The following VPS13B variants were observed in gnomAD, a reference collection of about 807,000 sequenced individuals.
The protein encoded by VPS13B is intermembrane lipid transfer protein VPS13B.
VPS13B carries 285 observed loss-of-function variants against 426.4 expected under a neutral mutation model. The observed-to-expected ratio is 0.67, with a 90% CI of 0.61 to 0.74. The LOEUF is 0.74. Ranked by LOEUF, VPS13B falls within the 30% of genes least tolerant of loss-of-function variation. VPS13B has a pLI of 0.00. For missense variants in VPS13B, 4,537 were observed against 4,782.6 expected (o/e 0.95, Z 1.51); for synonymous variants, 1,676 against 1,676.4 (o/e 1.00, Z 0.01).
chr8:99,703,650 T>C (rs1832377607), intron 36 of VPS13B, among the ~76,000 whole-genome samples: 1 of 152,206 alleles, frequency 6.6e-6, no homozygotes, highest in African/African-American at 2.4e-5. Context: ...AGCCTTTCCC[T>C]TACGTGTATA....
chr8:99,225,880 G>C (rs1815985044), intron 17 of VPS13B, among the ~76,000 whole-genome samples: 1 of 152,094 alleles, frequency 6.6e-6, no homozygotes, highest in African/African-American at 2.4e-5. Context: ...TCCCATGTTA[G>C]TACATGATCA....
intron 19 of VPS13B, among the ~76,000 whole-genome samples, chr8:99,300,947 G>A (rs928592494): frequency 7.5e-5 from 11 of 145,762 alleles, no homozygotes; most frequent in Non-Finnish European, 1.0e-4. Flanking sequence ...CTTTTGGCCC[G>A]GCATGGTGGC....
intron 39 of VPS13B, among the ~76,000 whole-genome samples, chr8:99,729,202 A>G (rs1046369404): frequency 2.0e-5 from 3 of 152,124 alleles, no homozygotes; most frequent in Non-Finnish European, 4.4e-5. Flanking sequence ...CAGGGGATCT[A>G]TTTTATGTCA....
At chr8:99,206,292 C>A (rs915533530) in intron 17 of VPS13B, among the ~76,000 whole-genome samples, 4 of 152,102 alleles carry the variant, frequency 2.6e-5, no homozygotes, top group African/African-American at 4.8e-5. Flanking sequence ...ACATTCGAAT[C>A]CCTCATTTAA....
At chr8:99,740,943 A>C (rs1179656882) in intron 39 of VPS13B, among the ~76,000 whole-genome samples, 1 of 152,188 alleles carries the variant, frequency 6.6e-6, no homozygotes, top group East Asian at 1.9e-4. Flanking sequence ...AGCTAACATC[A>C]TAATGACAGG....
At chr8:99,758,350 G>A (rs1180962767) in intron 39 of VPS13B, among the ~76,000 whole-genome samples, 1 of 152,166 alleles carries the variant, frequency 6.6e-6, no homozygotes, top group Non-Finnish European at 1.5e-5. Context: ...TTAATGCAAA[G>A]TTTGTTAAAA....
At chr8:99,193,730 C>T (rs970739678) in intron 17 of VPS13B, among the ~76,000 whole-genome samples, 6 of 152,074 alleles carry the variant, frequency 3.9e-5, no homozygotes, top group East Asian at 1.9e-4. Context: ...TAAAATAAAG[C>T]GACTTTTGTT....
Position 99,478,466 on chromosome 8 carries a change from GT to G in VPS13B, c.3667-3127del, listed in dbSNP as rs1382871790. Among the ~76,000 whole-genome samples the G allele has an allele frequency of 2.8e-3, 117 of 41,968 alleles. 1 individual carries two copies. Among genetic ancestry groups the G allele is most frequent in the African/African-American group, 9.1e-3 (101 of 11,130 alleles). 27.5% of individuals were successfully genotyped at this position (41,968 alleles called of 152,430 possible). A position where few individuals can be genotyped will look rare whatever the true frequency, so the allele number is the denominator to read the frequency against. On this transcript the variant is annotated intron_variant, in intron 24 of 61. Coordinates refer to ENST00000357162, the MANE Select transcript of VPS13B (RefSeq NM_152564.5). ...TGTTTTGTTTTTTTTTTTTTTTTTT[GT>G]TTTTTGTTTTTTTTTTTTTGCCGAG... is the stretch of plus-strand genomic sequence containing the variant.
intron 33 of VPS13B, among the ~76,000 whole-genome samples, chr8:99,593,770 A>C (rs1395365753): frequency 3.3e-5 from 5 of 152,110 alleles, no homozygotes; most frequent in Non-Finnish European, 7.4e-5. Flanking sequence ...ACATGGATGG[A>C]GTTTAAAGCC....
chr8:99,671,405 T>C (rs1422569728), intron 35 of VPS13B, among the ~76,000 whole-genome samples: 8 of 152,166 alleles, frequency 5.3e-5, no homozygotes, highest in Admixed American at 5.2e-4. Flanking sequence ...AGTTTACAGA[T>C]ATTTTCTCCC....
intron 3 of VPS13B, among the ~76,000 whole-genome samples, chr8:99,088,183 CAA>C (rs1326004820): frequency 7.9e-4 from 51 of 64,804 alleles, no homozygotes; most frequent in Middle Eastern, 8.1e-3. Context: ...GACCCTGTCT[CAA>C]AAAAAAAAAA....
At chr8:99,060,395 G>A (rs183960430) in intron 3 of VPS13B, among the ~76,000 whole-genome samples, 1 of 152,182 alleles carries the variant, frequency 6.6e-6, no homozygotes, top group Admixed American at 6.5e-5. Context: ...GATCACTTGA[G>A]GTTAGGAGTT....
At chr8:99,252,012 T>C (rs1298760353) in intron 17 of VPS13B, among the ~76,000 whole-genome samples, 1 of 151,500 alleles carries the variant, frequency 6.6e-6, no homozygotes, top group Non-Finnish European at 1.5e-5. Context: ...AAAAACAAGT[T>C]TTAAAAATCA....
At chr8:99,690,233 T>C (rs1831594425) in intron 35 of VPS13B, among the ~76,000 whole-genome samples, 1 of 152,258 alleles carries the variant, frequency 6.6e-6, no homozygotes, top group Non-Finnish European at 1.5e-5. Context: ...GTTGCTGACA[T>C]AACTAGATAT....
chr8:99,430,191 C>T (rs559032040), intron 21 of VPS13B, among the ~76,000 whole-genome samples: 17 of 152,114 alleles, frequency 1.1e-4, no homozygotes, highest in Middle Eastern at 3.4e-3. Context: ...AGAAAAAGTC[C>T]GTTCTTCATG....
chr8:99,227,817 A>T (rs1816094136), intron 17 of VPS13B, among the ~76,000 whole-genome samples: 2 of 152,238 alleles, frequency 1.3e-5, no homozygotes, highest in Admixed American at 1.3e-4. Context: ...AGTGTTATAC[A>T]GTTCCACACT....
At chr8:99,078,694 G>A (rs1845271524) in intron 3 of VPS13B, among the ~76,000 whole-genome samples, 2 of 152,130 alleles carry the variant, frequency 1.3e-5, no homozygotes, top group South Asian at 4.1e-4. Context: ...TGAGTCTGGT[G>A]GGTCCTCAGA....
At position 99,754,675 on chromosome 8, in the gene VPS13B, A is replaced by G. The variant is rs192737031; in HGVS notation, c.7051-12099A>G. On this transcript the variant is annotated intron_variant, in intron 39 of 61. Coordinates refer to ENST00000357162, the MANE Select transcript of VPS13B (RefSeq NM_152564.5). The stretch of plus-strand genomic sequence containing the variant: ...CCATCAGTTTAAAACTCTTTCACCT[A>G]TGTACTTGTCTACTAATTTTCTAGT... Among the ~76,000 whole-genome samples, 156 of 152,194 alleles carry G rather than the reference A, an allele frequency of 1.0e-3. 1 individual carries two copies. Among genetic ancestry groups the G allele is most frequent in the African/African-American group, 3.7e-3 (153 of 41,512 alleles).
At chr8:99,859,174 C>A in intron 56 of VPS13B, 130 bp from the exon 57 acceptor site, 1 of 1,151,346 alleles carries the variant, frequency 8.7e-7, no homozygotes, top group Non-Finnish European at 1.3e-6. Flanking sequence ...TATTTTCTTC[C>A]AAAGAAACAG....
Sources: gnomAD v4.1 joint callset for allele counts (sites outside exome capture counted in the v4.1 genomes callset) on GRCh38, gnomAD v4.1.1 for gene constraint, MANE v1.5 for transcripts, NCBI Gene and HGNC (gene_info 2026-07-23, HGNC 2026-07-21) for gene names.